Variants in ADGRL2 observed in about 807,000 individuals in gnomAD.
The protein encoded by ADGRL2 is adhesion G protein-coupled receptor L2, also known as calcium-independent alpha-latrotoxin receptor 2.
A neutral mutation model predicts 157.4 loss-of-function variants in ADGRL2; 44 were observed. The observed-to-expected ratio is 0.28, with a 90% CI of 0.22 to 0.36. The LOEUF (loss-of-function observed/expected upper bound fraction) is 0.36, where lower values mean the gene tolerates loss of function less well. ADGRL2 is among the 10% of genes least tolerant of loss of function. The pLI, the probability that ADGRL2 is intolerant of heterozygous loss-of-function variation, is 1.00. For synonymous variants in ADGRL2, 585 were observed against 624.7 expected (o/e 0.94, Z 0.95); for missense variants, 1,510 against 1,768.9 (o/e 0.85, Z 2.63).
At chr1:81,917,649 A>G (rs2094887710) in intron 3 of ADGRL2, among the ~76,000 whole-genome samples, 2 of 152,302 alleles carry the variant, frequency 1.3e-5, no homozygotes, top group East Asian at 1.9e-4. Flanking sequence ...AAGACCAAGA[A>G]AGACATAGTT....
At chr1:81,846,410 AT>A (rs1029849808) in intron 2 of ADGRL2, among the ~76,000 whole-genome samples, 2 of 114,682 alleles carry the variant, frequency 1.7e-5, no homozygotes, top group Admixed American at 1.7e-4. Context: ...GACTGTAGAG[AT>A]AGATTAAAAT....
chr1:81,878,252 G>A (rs1230566808), intron 2 of ADGRL2, among the ~76,000 whole-genome samples: 1 of 152,056 alleles, frequency 6.6e-6, no homozygotes, highest in Non-Finnish European at 1.5e-5. Flanking sequence ...CTAACATGAG[G>A]AACATAGATA....
At chr1:81,484,506 G>T (rs1370347913) in intron 2 of ADGRL2, among the ~76,000 whole-genome samples, 1 of 152,150 alleles carries the variant, frequency 6.6e-6, no homozygotes, top group Non-Finnish European at 1.5e-5. Context: ...ACAACACTTG[G>T]AAGGATTTCT....
intron 14 of ADGRL2, 120 bp downstream of exon 14, chr1:81,968,319 A>G: frequency 2.4e-6 from 2 of 833,970 alleles, no homozygotes; most frequent in South Asian, 3.2e-5. Flanking sequence ...AGTAATGTTG[A>G]TTTCTAATTG....
At chr1:81,976,903 GTTAA>G (rs1429482604) in intron 17 of ADGRL2, among the ~76,000 whole-genome samples, 12 of 151,816 alleles carry the variant, frequency 7.9e-5, no homozygotes, top group African/African-American at 2.7e-4. Flanking sequence ...TATTTTATAT[GTTAA>G]TTTATTTATC....
At chr1:81,647,688 T>C (rs2082340438) in intron 3 of ADGRL2, among the ~76,000 whole-genome samples, 1 of 152,180 alleles carries the variant, frequency 6.6e-6, no homozygotes, top group African/African-American at 2.4e-5. Flanking sequence ...CTATTAGTCA[T>C]AATGCATAAT....
chr1:81,408,150 A>C (rs1003643790), intron 1 of ADGRL2, among the ~76,000 whole-genome samples: 1 of 152,174 alleles, frequency 6.6e-6, no homozygotes, highest in Non-Finnish European at 1.5e-5. Flanking sequence ...CATAAGCATT[A>C]GGGATAGCTT....
intron 11 of ADGRL2, among the ~76,000 whole-genome samples, chr1:81,963,140 T>C (rs1461848555): frequency 6.6e-6 from 1 of 150,454 alleles, no homozygotes; most frequent in Non-Finnish European, 1.5e-5. Flanking sequence ...TTTTTAAAAA[T>C]CAGATTTGTT....
intron 1 of ADGRL2, among the ~76,000 whole-genome samples, chr1:81,389,946 G>A (rs901700528): frequency 4.6e-5 from 7 of 152,098 alleles, no homozygotes; most frequent in African/African-American, 1.7e-4. Flanking sequence ...TTAATACCAA[G>A]TCTGTAGCTT....
intron 1 of ADGRL2, among the ~76,000 whole-genome samples, chr1:81,712,973 G>C (rs2083986403): frequency 6.6e-6 from 1 of 151,916 alleles, no homozygotes; most frequent in Admixed American, 6.6e-5. Context: ...GGCCAGGCTG[G>C]TCTCAAACTC....
At chr1:81,838,889 T>C (rs965379556) in intron 2 of ADGRL2, among the ~76,000 whole-genome samples, 3 of 151,996 alleles carry the variant, frequency 2.0e-5, no homozygotes, top group African/African-American at 7.2e-5. Flanking sequence ...TCTGAAGCAC[T>C]TCCCTCCTAC....
intron 2 of ADGRL2, among the ~76,000 whole-genome samples, chr1:81,547,589 TTGTC>T (rs2080049444): frequency 6.6e-6 from 1 of 152,264 alleles, no homozygotes; most frequent in South Asian, 2.1e-4. Flanking sequence ...CGAGTATTAT[TTGTC>T]TGGCGGCTTC....
chr1:81,400,322 A>G (rs1167601687), intron 1 of ADGRL2, among the ~76,000 whole-genome samples: 1 of 152,074 alleles, frequency 6.6e-6, no homozygotes, highest in Non-Finnish European at 1.5e-5. Context: ...AACCTATGGT[A>G]GCACCTGGAC....
rs562475531 is a variant in ADGRL2, at chr1:81,574,708, T to C, written c.-247-6168T>C. Among the ~76,000 whole-genome samples the C allele has an allele frequency of 6.6e-5, 10 of 152,308 alleles. No homozygotes were observed. The South Asian group carries it at 2.1e-3, about 32-fold the overall frequency. ...TGGTGGAGATGCAACTGGACTCATT[T>C]CACTGCTTTAGTGGGACCTTCACTA... On this transcript the variant is annotated intron_variant, in intron 2 of 24. Transcript: ENST00000370721.
intron 2 of ADGRL2, among the ~76,000 whole-genome samples, chr1:81,521,307 A>G (rs1386842165): frequency 6.6e-6 from 1 of 152,206 alleles, no homozygotes; most frequent in Non-Finnish European, 1.5e-5. Context: ...ATCCTTTAAA[A>G]CTATTCACAA....
intron 1 of ADGRL2, among the ~76,000 whole-genome samples, chr1:81,371,187 C>T (rs959776481): frequency 2.6e-5 from 4 of 152,128 alleles, no homozygotes; most frequent in South Asian, 2.1e-4. Context: ...CTACTAGAAC[C>T]GACCACCTCA....
intron 1 of ADGRL2, among the ~76,000 whole-genome samples, chr1:81,372,713 A>C (rs973651908): frequency 1.3e-5 from 2 of 152,214 alleles, no homozygotes; most frequent in Non-Finnish European, 2.9e-5. Context: ...AATAATGTAC[A>C]TAACTAGGCA....
chr1:81,613,729 G>T lies in ADGRL2; in HGVS notation c.-143+32749G>T, dbSNP rs574552868. Among the ~76,000 whole-genome samples the T allele has an allele frequency of 7.9e-5, 12 of 152,304 alleles. No individual in the cohort carries two copies. The South Asian group carries it at 2.1e-3, about 26-fold the overall frequency. ...TTCAAATGATGGGGATAAACAGGGT[G>T]ATCCAATGGTATAAAAATAGCTAGG... On this transcript the variant is annotated intron_variant, in intron 3 of 24. Transcript: ENST00000370721.
chr1:81,311,250 T>C (rs1441574837), intron 1 of ADGRL2, among the ~76,000 whole-genome samples: 2 of 151,220 alleles, frequency 1.3e-5, no homozygotes, highest in African/African-American at 4.9e-5. Context: ...TTGTTACTGT[T>C]GTTGTTGTTT....
Sources: allele counts gnomAD v4.1 joint callset (sites outside exome capture counted in the v4.1 genomes callset), GRCh38; gene constraint gnomAD v4.1.1; transcripts MANE v1.5; gene names NCBI Gene and HGNC (gene_info 2026-07-23, HGNC 2026-07-21).